ANO1: variants seen among roughly 807,000 people sequenced by gnomAD.
ANO1 encodes anoctamin-1.
ANO1 carries 59 observed loss-of-function variants against 124.0 expected under a neutral mutation model. The observed-to-expected ratio is 0.48, with a 90% CI of 0.39 to 0.59. The LOEUF is 0.59. Among genes scored for constraint, ANO1 ranks in the 20% least tolerant of loss-of-function variants. ANO1 has a pLI of 0.00. For synonymous variants in ANO1, 529 were observed against 532.0 expected (o/e 0.99, Z 0.08); for missense variants, 1,059 against 1,328.0 (o/e 0.80, Z 3.15).
At position 70,185,589 on chromosome 11, in the gene ANO1, G is replaced by A; in HGVS notation, c.2589-1G>A. 1.2e-6 allele frequency: 2 copies of A among 1,613,548 alleles called. No homozygotes were observed. The highest frequency in any genetic ancestry group is 8.5e-7 in the Non-Finnish European group (1 of 1,179,602). On this transcript the variant is annotated splice_acceptor_variant, in intron 24 of 25. Transcript: ENST00000355303. LOFTEE classifies it high-confidence loss of function. ...CTCGACTCCACCACGGTCTTTTGCA[G>A]GTATAAAGACTACCGAGAGCCGCCG...
chr11:69,976,402 G>A, the ANO1 span, among the ~76,000 whole-genome samples: 1 of 151,890 alleles, frequency 6.6e-6, no homozygotes, highest in Admixed American at 6.6e-5. Flanking sequence ...AGCTACTCGG[G>A]AGGCTGAGGC....
intron 2 of ANO1, among the ~76,000 whole-genome samples, chr11:70,088,507 CAAA>C (rs35498359): frequency 1.5e-5 from 2 of 132,598 alleles, no homozygotes; most frequent in East Asian, 2.3e-4. Flanking sequence ...GACTCTGCCT[CAAA>C]AAAAAAAAAA....
chr11:69,972,328 CT>C, the ANO1 span, among the ~76,000 whole-genome samples: 2 of 151,970 alleles, frequency 1.3e-5, no homozygotes, highest in Admixed American at 1.3e-4. Flanking sequence ...GCTAGACTGT[CT>C]TTGAAATGAG....
At chr11:70,101,369 A>T (rs1335340911) in intron 2 of ANO1, among the ~76,000 whole-genome samples, 1 of 152,044 alleles carries the variant, frequency 6.6e-6, no homozygotes, top group East Asian at 1.9e-4. Flanking sequence ...CAGCCTGGCC[A>T]ACATGGTGAA....
Position 70,180,699 on chromosome 11 carries a change from G to C in ANO1, c.2403+643G>C, listed in dbSNP as rs561270818. Among the ~76,000 whole-genome samples the C allele has an allele frequency of 6.6e-5, 10 of 152,292 alleles. No homozygotes were observed. The East Asian group carries it at 1.7e-3, about 26-fold the overall frequency. On this transcript the variant is annotated intron_variant, in intron 23 of 25. Transcript: ENST00000355303. ...AGATAGGAGGGAAGACAGAGACAGA[G>C]ATAGGAGGGAAGACAGAGACAGAGG...
At position 70,087,339 on chromosome 11, in the gene ANO1, C is replaced by T. The variant is rs181509584; in HGVS notation, c.109-413C>T. Among the ~76,000 whole-genome samples, 152 of 152,114 alleles carry T rather than the reference C, an allele frequency of 1.0e-3. 1 individual carries two copies. Among genetic ancestry groups the T allele is most frequent in the African/African-American group, 3.4e-3 (141 of 41,486 alleles). On this transcript the variant is annotated intron_variant, in intron 1 of 25. Transcript: ENST00000355303. Reference sequence around the variant, plus strand: ...AATTAAATTATTATTGATGATAGTCCCCTGTTGTACTGTCAAATACTAGGT... The same window carrying T: ...AATTAAATTATTATTGATGATAGTCTCCTGTTGTACTGTCAAATACTAGGT...
chr11:69,985,227 G>A (rs1320933349), upstream of ANO1, among the ~76,000 whole-genome samples: 1 of 152,072 alleles, frequency 6.6e-6, no homozygotes, highest in African/African-American at 2.4e-5. Context: ...CCTCTTAGCC[G>A]CAGTTAACTG....
At chr11:70,183,584 T>C (rs2049006874) in intron 24 of ANO1, among the ~76,000 whole-genome samples, 1 of 152,198 alleles carries the variant, frequency 6.6e-6, no homozygotes, top group Admixed American at 6.5e-5. Flanking sequence ...AGGCAAAGCC[T>C]TGAGCACAGA....
chr11:70,102,867 C>A (rs1013732887), intron 2 of ANO1, among the ~76,000 whole-genome samples, 199 bp from the exon 3 acceptor site: 1 of 152,310 alleles, frequency 6.6e-6, no homozygotes, highest in Non-Finnish European at 1.5e-5. Context: ...CTCCCACAGC[C>A]CCCTGCACTT....
intron 6 of ANO1, among the ~76,000 whole-genome samples, chr11:70,109,811 G>A (rs1023595453): frequency 6.6e-6 from 1 of 152,182 alleles, no homozygotes; most frequent in Non-Finnish European, 1.5e-5. Context: ...GGTGGTCCCT[G>A]GGGACACAGG....
intron 10 of ANO1, among the ~76,000 whole-genome samples, chr11:70,131,130 A>G (rs2046740075): frequency 6.6e-6 from 1 of 152,178 alleles, no homozygotes. Flanking sequence ...CCTCTCCTAG[A>G]AGTGGCTCAA....
chr11:70,166,506 C>G (rs560643507), intron 20 of ANO1, among the ~76,000 whole-genome samples: 3 of 152,096 alleles, frequency 2.0e-5, no homozygotes, highest in Admixed American at 6.5e-5. Flanking sequence ...GACTTGGCCT[C>G]GTTGTTACCT....
At chr11:70,121,309 T>C (rs1029386378) in intron 8 of ANO1, among the ~76,000 whole-genome samples, 8 of 150,816 alleles carry the variant, frequency 5.3e-5, no homozygotes, top group African/African-American at 1.7e-4. Flanking sequence ...TCTCTCCATC[T>C]GCCTCTGTCT....
At chr11:70,078,842 G>A in intron 1 of ANO1, 128 bp downstream of exon 1, 3 of 401,416 alleles carry the variant, frequency 7.5e-6, no homozygotes, top group Non-Finnish European at 1.1e-5. Flanking sequence ...CGCAGGGTTC[G>A]CGGCGCCCAC....
intron 1 of ANO1, among the ~76,000 whole-genome samples, chr11:70,066,675 C>T (rs933176738): frequency 5.9e-5 from 9 of 152,172 alleles, no homozygotes; most frequent in African/African-American, 1.2e-4. Flanking sequence ...CCCTGAATGA[C>T]GGCACAGCAG....
intron 25 of ANO1, among the ~76,000 whole-genome samples, chr11:70,186,808 G>C (rs2049145586): frequency 6.6e-6 from 1 of 152,210 alleles, no homozygotes; most frequent in African/African-American, 2.4e-5. Flanking sequence ...TTCTGTCACA[G>C]GGCAGGCCCT....
At chr11:70,084,678 C>T (rs2044306436) in intron 1 of ANO1, among the ~76,000 whole-genome samples, 1 of 152,222 alleles carries the variant, frequency 6.6e-6, no homozygotes, top group South Asian at 2.1e-4. Flanking sequence ...CCTGCTGCCC[C>T]ACACTGTCCA....
intron 16 of ANO1, among the ~76,000 whole-genome samples, chr11:70,157,716 G>A (rs1039333376): frequency 2.0e-5 from 3 of 152,150 alleles, no homozygotes. Context: ...AATGGGCCGG[G>A]TGCAGTGGCT....
At chr11:70,054,348 G>C (rs1366980764) in intron 1 of ANO1, among the ~76,000 whole-genome samples, 1 of 152,246 alleles carries the variant, frequency 6.6e-6, no homozygotes, top group East Asian at 1.9e-4. Context: ...TGTAGGCCAA[G>C]AAGGTAGCTA....
Sources: allele counts gnomAD v4.1 joint callset (sites outside exome capture counted in the v4.1 genomes callset), GRCh38; gene constraint gnomAD v4.1.1; transcripts MANE v1.5; gene names NCBI Gene and HGNC (gene_info 2026-07-23, HGNC 2026-07-21).